Variants in C12orf56 observed in about 807,000 individuals in gnomAD.
C12orf56 encodes the protein uncharacterized protein C12orf56.
In C12orf56, 71 loss-of-function variants were observed where a neutral mutation model predicts 69.9. That is an observed-to-expected ratio of 1.02 (90% CI 0.84 to 1.24). C12orf56 has a LOEUF of 1.24. Ranked by LOEUF, C12orf56 falls within the 50% of genes most tolerant of loss-of-function variation. The pLI is 0.00. For missense variants in C12orf56, 732 were observed against 738.5 expected (o/e 0.99, Z 0.10); for synonymous variants, 276 against 274.1 (o/e 1.01, Z -0.07).
intron 6 of C12orf56, among the ~76,000 whole-genome samples, chr12:64,295,043 T>C (rs923005836): frequency 6.6e-6 from 1 of 152,030 alleles, no homozygotes; most frequent in African/African-American, 2.4e-5. Context: ...CCACCACGCC[T>C]GGCTAATTTT....
At chr12:64,342,434 A>G (rs1241842287) in intron 2 of C12orf56, among the ~76,000 whole-genome samples, 1 of 152,196 alleles carries the variant, frequency 6.6e-6, no homozygotes, top group Non-Finnish European at 1.5e-5. Context: ...TCTGTGAACC[A>G]GGCCCTAGTC....
chr12:64,284,694 G>C lies in C12orf56; in HGVS notation c.1280C>G (p.Ser427Ter). The C allele has an allele frequency of 6.2e-7, 1 of 1,612,500 alleles. No individual in the cohort carries two copies. The highest frequency in any genetic ancestry group is 8.5e-7 in the Non-Finnish European group (1 of 1,179,400). ...VLMFRETETE[S>*]SRLNTLAAKK... ...AGCTGCCAATGTGTTCAGGCGTGAT[G>C]ACTCGGTTTCTGTTTCTCTGAACAT... is the stretch of plus-strand genomic sequence containing the variant. The change falls in exon 8 of 13, where the codon TCA becomes TGA. Residue 427 changes from serine (S) to a stop codon, truncating the protein, a stop_gained. Transcript: ENST00000543942. LOFTEE classifies it high-confidence loss of function.
chr12:64,330,341 GCTAA>G (rs1171165838), intron 3 of C12orf56, among the ~76,000 whole-genome samples: 3 of 152,098 alleles, frequency 2.0e-5, no homozygotes, highest in Non-Finnish European at 2.9e-5. Context: ...ATCCCATGGG[GCTAA>G]CTAACACATG....
At chr12:64,332,375 TA>T (rs565234602) in intron 2 of C12orf56, among the ~76,000 whole-genome samples, 48 of 149,526 alleles carry the variant, frequency 3.2e-4, no homozygotes, top group African/African-American at 1.2e-3. Context: ...GGAGAGACCC[TA>T]AAAATGTGTT....
chr12:64,335,434 AAAAAAG>A lies in C12orf56; in HGVS notation c.416-4408_416-4403del, dbSNP rs1010879902. 1.1e-4 allele frequency among the ~76,000 whole-genome samples: 17 copies of A among 151,944 alleles called. No homozygotes were observed. The East Asian group carries it at 1.4e-3, about 12-fold the overall frequency. ...TTCATCTCCAAAAAAAAAAAAAAAA[AAAAAAG>A]AGCTTTTGCTACTAATACAGTTCAA... On this transcript the variant is annotated intron_variant, in intron 2 of 12. Coordinates refer to ENST00000543942, the MANE Select transcript of C12orf56 (RefSeq NM_001170633.2).
chr12:64,281,147 C>T (rs1293737411), intron 8 of C12orf56, among the ~76,000 whole-genome samples: 1 of 151,912 alleles, frequency 6.6e-6, no homozygotes, highest in Admixed American at 6.6e-5. Context: ...GTGGTGCATG[C>T]CTGTAATCCC....
At position 64,284,649 on chromosome 12, in the gene C12orf56, T is replaced by C; in HGVS notation, c.1310+15A>G. On this transcript the variant is annotated intron_variant, in intron 8 of 12. Transcript: ENST00000543942. The stretch of plus-strand genomic sequence containing the variant: ...TTGCAACTACAAGGTCCCAATGTCT[T>C]CTAAAAGACCTTACTTCTTAGCTGC... 9 of 1,587,968 alleles carry C rather than the reference T, an allele frequency of 5.7e-6. No individual in the cohort carries two copies. Among genetic ancestry groups the C allele is most frequent in the Non-Finnish European group, 7.7e-6 (9 of 1,168,634 alleles).
chr12:64,312,442 C>T (rs1592443112), intron 5 of C12orf56, among the ~76,000 whole-genome samples: 1 of 152,222 alleles, frequency 6.6e-6, no homozygotes, highest in South Asian at 2.1e-4. Context: ...CTCCTGTCTC[C>T]ACTAAAAAAT....
At chr12:64,284,272 G>A (rs1301804601) in intron 8 of C12orf56, among the ~76,000 whole-genome samples, 1 of 152,160 alleles carries the variant, frequency 6.6e-6, no homozygotes, top group South Asian at 2.1e-4. Flanking sequence ...AAGGTCACAC[G>A]ATTATATTGT....
intron 1 of C12orf56, among the ~76,000 whole-genome samples, chr12:64,368,941 A>T (rs550363326): frequency 1.3e-5 from 2 of 152,280 alleles, no homozygotes; most frequent in East Asian, 3.9e-4. Context: ...AACCTACAGG[A>T]AATACTAACT....
chr12:64,379,760 C>A (rs2039686530), intron 1 of C12orf56, among the ~76,000 whole-genome samples: 1 of 151,680 alleles, frequency 6.6e-6, no homozygotes. Flanking sequence ...AATATGGCCT[C>A]AGCTTACGTA....
intron 3 of C12orf56, among the ~76,000 whole-genome samples, chr12:64,324,646 G>T (rs1472152378): frequency 6.6e-6 from 1 of 152,178 alleles, no homozygotes; most frequent in Non-Finnish European, 1.5e-5. Context: ...GTCTAGACGT[G>T]GTAAAAGGTT....
chr12:64,270,538 G>A lies in C12orf56; in HGVS notation c.1761C>T (p.Phe587=). Residue 587 remains phenylalanine, a splice_region_variant and synonymous_variant, in exon 12 of 13, where the codon TTC becomes TTT. Transcript: ENST00000543942. ...TAGATTCAGACATTTTTTCTTACCT[G>A]AATTCTTCTCTGTAGTTATTCCTAA... ...EYIRNNYREE[F]RYFIHMPALQ... 1 of 1,545,038 alleles carries A rather than the reference G, an allele frequency of 6.5e-7. No homozygotes were observed. Among genetic ancestry groups the A allele is most frequent in the Non-Finnish European group, 8.7e-7 (1 of 1,148,776 alleles).
At chr12:64,311,195 G>T (rs2038608396) in intron 5 of C12orf56, among the ~76,000 whole-genome samples, 1 of 152,042 alleles carries the variant, frequency 6.6e-6, no homozygotes, top group Admixed American at 6.6e-5. Flanking sequence ...CCAGCACTTT[G>T]GGAGGCTGAG....
intron 1 of C12orf56, among the ~76,000 whole-genome samples, chr12:64,386,067 T>C (rs2039784481): frequency 6.6e-6 from 1 of 152,152 alleles, no homozygotes; most frequent in Admixed American, 6.6e-5. Context: ...TTCCTTGCCT[T>C]TTCTAGCTTC....
chr12:64,352,925 T>C lies in C12orf56; in HGVS notation c.384A>G (p.Pro128=), dbSNP rs768062513. 32 of 1,612,468 alleles carry C rather than the reference T, an allele frequency of 2.0e-5. No individual in the cohort carries two copies. The highest frequency in any genetic ancestry group is 2.7e-5 in the Non-Finnish European group (32 of 1,179,602). The change falls in exon 2 of 13, where the codon CCA becomes CCG. Residue 128 remains proline, a synonymous_variant. Coordinates refer to ENST00000543942, the MANE Select transcript of C12orf56 (RefSeq NM_001170633.2). ...TGTTGTTAGCTTTAGTATGATGAAATGGAAATAGGAATTTCCTGACACTGT... is the reference window on the plus strand; with the variant it reads ...TGTTGTTAGCTTTAGTATGATGAAACGGAAATAGGAATTTCCTGACACTGT... ...KSNSVRKFLF[P]FHHTKANNKK...
chr12:64,277,752 T>C lies in C12orf56; in HGVS notation c.1362A>G (p.Pro454=). Residue 454 remains proline (P), a synonymous_variant, in exon 9 of 13, where the codon CCA becomes CCG. Transcript: ENST00000543942. ...LVILISEPQI[P]KSCPVFDIQL... is the part of the protein sequence containing the mutation. ...GGATATCAAACACAGGACAAGATTT[T>C]GGAATCTGAGGCTCACTAATTAAAA... The C allele has an allele frequency of 6.2e-7, 1 of 1,602,744 alleles. No individual in the cohort carries two copies. The highest frequency in any genetic ancestry group is 8.5e-7 in the Non-Finnish European group (1 of 1,173,446).
chr12:64,317,971 TGCTCACACA>T (rs2038710667), intron 4 of C12orf56, among the ~76,000 whole-genome samples: 4 of 152,128 alleles, frequency 2.6e-5, no homozygotes, highest in Non-Finnish European at 5.9e-5. Flanking sequence ...AAAGACCACC[TGCTCACACA>T]TATTCCAGGA....
intron 8 of C12orf56, among the ~76,000 whole-genome samples, chr12:64,283,595 T>G (rs1210099085): frequency 6.6e-6 from 1 of 152,090 alleles, no homozygotes; most frequent in Non-Finnish European, 1.5e-5. Flanking sequence ...TGAGCAGAAG[T>G]GTTACATGCC....
Sources: allele counts gnomAD v4.1 joint callset (sites outside exome capture counted in the v4.1 genomes callset), GRCh38; gene constraint gnomAD v4.1.1; transcripts MANE v1.5; gene names NCBI Gene and HGNC (gene_info 2026-07-23, HGNC 2026-07-21).